The following ZNF639 variants were observed in gnomAD, a reference collection of about 807,000 sequenced individuals.
ZNF639 encodes zinc finger amplified in esophageal squamous cell carcinomas 1.
ZNF639 carries 20 observed loss-of-function variants against 39.8 expected under a neutral mutation model. The ratio of observed to expected loss-of-function variants is 0.50; its 90% CI spans 0.35 to 0.73. The LOEUF (loss-of-function observed/expected upper bound fraction) is 0.73. Among genes scored for constraint, ZNF639 ranks in the 30% least tolerant of loss-of-function variants. The pLI is 0.00. For missense variants in ZNF639, 477 were observed against 566.2 expected (o/e 0.84, Z 1.60); for synonymous variants, 176 against 189.8 (o/e 0.93, Z 0.60).
At chr3:179,322,912 G>T, upstream of ZNF639, 1 of 985,186 alleles carries the variant, frequency 1.0e-6, no homozygotes, top group Non-Finnish European at 1.2e-6. Flanking sequence ...GGGCCGCTGG[G>T]CCTCCCCCGG....
At chr3:179,326,726 A>G (rs1453891127) in intron 1 of ZNF639, among the ~76,000 whole-genome samples, 1 of 151,604 alleles carries the variant, frequency 6.6e-6, no homozygotes, top group African/African-American at 2.4e-5. Context: ...CCCAGGTTCA[A>G]GCCATTCTCC....
intron 3 of ZNF639, 43 bp downstream of exon 3, chr3:179,328,394 C>CA: frequency 7.5e-7 from 1 of 1,340,282 alleles, no homozygotes; most frequent in Non-Finnish European, 1.0e-6. Flanking sequence ...GATTAATTCC[C>CA]ACAAAATTAT....
At chr3:179,323,427 T>C (rs910508019) in intron 1 of ZNF639, 136 bp downstream of exon 1, 2 of 972,080 alleles carry the variant, frequency 2.1e-6, no homozygotes, top group Admixed American at 6.1e-5. Flanking sequence ...CTTCGTTATA[T>C]GGCGGGATGG....
chr3:179,333,105 C>A lies in ZNF639; in HGVS notation c.286C>A (p.His96Asn). ...VPSPVLRILD[H>N]TAFSTEKSAD... is the part of the protein sequence containing the mutation. ...CAGTCCTGTACTTAGAATTCTAGAC[C>A]ACACTGCCTTTTCTACAGGTTGGGG... Residue 96 changes from histidine to asparagine, a missense_variant, in exon 5 of 6, where the codon CAC becomes AAC. Coordinates refer to ENST00000496856, the MANE Select transcript of ZNF639 (RefSeq NM_001303426.2). The A allele has an allele frequency of 6.2e-7, 1 of 1,602,720 alleles. No individual in the cohort carries two copies. Among genetic ancestry groups the A allele is most frequent in the Non-Finnish European group, 8.5e-7 (1 of 1,174,932 alleles).
chr3:179,331,808 A>G (rs1727932222), intron 4 of ZNF639, among the ~76,000 whole-genome samples: 1 of 151,026 alleles, frequency 6.6e-6, no homozygotes, highest in South Asian at 2.1e-4. Flanking sequence ...ACAACTTTAT[A>G]GTGTTGAAAC....
In ZNF639 at chr3:179,332,971, C is replaced by T; in HGVS notation, c.170-18C>T. The T allele has an allele frequency of 6.5e-7, 1 of 1,531,686 alleles. No individual in the cohort carries two copies. The highest frequency in any genetic ancestry group is 8.8e-7 in the Non-Finnish European group (1 of 1,140,032). The allele number at this position is 1,531,686 out of a possible 1,614,324, so 94.9% of individuals were successfully genotyped here. A position where few individuals can be genotyped will look rare whatever the true frequency, so the allele number is the denominator to read the frequency against. On this transcript the variant is annotated intron_variant, in intron 4 of 5. Coordinates refer to ENST00000496856, the MANE Select transcript of ZNF639 (RefSeq NM_001303426.2). ...GATTGTATAAATAATAAGTATTCTT[C>T]CAAATCCCTTTTTACAGATGATGAT...
In ZNF639 at chr3:179,337,497, C is replaced by T. The variant is rs77243697; in HGVS notation, c.*3075C>T. 0.11 allele frequency: 16,752 copies of T among 150,780 alleles called. 1,169 individuals carry two copies. Among genetic ancestry groups the T allele is most frequent in the Non-Finnish European group, 0.16 (10,899 of 67,748 alleles). The allele number at this position is 150,780 out of a possible 1,614,324, so 9.3% of individuals were successfully genotyped here. ...GATTATAGGCGTGTGCCACCACACC[C>T]GGCTAATTTTTGTGTTTTTAATAGA... On this transcript the variant is annotated 3_prime_UTR_variant, in exon 6 of 6. Coordinates refer to ENST00000496856, the MANE Select transcript of ZNF639 (RefSeq NM_001303426.2).
intron 4 of ZNF639, 75 bp from the exon 5 acceptor site, chr3:179,332,914 A>G (rs1465404922): frequency 6.9e-7 from 1 of 1,443,284 alleles, no homozygotes; most frequent in Non-Finnish European, 9.1e-7. Flanking sequence ...TCATATTTAA[A>G]AATTGATGCT....
rs538360190 is a variant in ZNF639, at chr3:179,328,902, A to G, written c.58+551A>G. Among the ~76,000 whole-genome samples the G allele has an allele frequency of 3.3e-5, 5 of 151,840 alleles. No homozygotes were observed. In the South Asian group the frequency reaches 1.0e-3, roughly 32 times the overall value. On this transcript the variant is annotated intron_variant, in intron 3 of 5. Coordinates refer to ENST00000496856, the MANE Select transcript of ZNF639 (RefSeq NM_001303426.2). ...GTGATTCTCCTGCCTCAGCCTCCCA[A>G]GTAGCTGGGATTACAGGCGTGTACC... is the stretch of plus-strand genomic sequence containing the variant.
rs183072274 is a variant in ZNF639 at position 179,338,274 on chromosome 3, A to C, written c.*3852A>C. 2 of 152,356 alleles carry C rather than the reference A, an allele frequency of 1.3e-5. No individual in the cohort carries two copies. Among genetic ancestry groups the C allele is most frequent in the South Asian group, 4.1e-4 (2 of 4,830 alleles). The allele number at this position is 152,356 out of a possible 1,614,324, so 9.4% of individuals were successfully genotyped here. ...AGTAGAATTCTTCGCAGCAGTGAAC[A>C]GTAGTGACAGGTCATTATGTTTTTC... is the stretch of plus-strand genomic sequence containing the variant. On this transcript the variant is annotated 3_prime_UTR_variant, in exon 6 of 6. Transcript: ENST00000496856.
intron 2 of ZNF639, 67 bp from the exon 3 acceptor site, chr3:179,328,216 G>A: frequency 1.1e-6 from 1 of 912,888 alleles, no homozygotes; most frequent in South Asian, 1.6e-5. Flanking sequence ...TCTTCAGTTA[G>A]AATTTTTATA....
rs2108508505 is a variant in ZNF639, at chr3:179,334,410, T to C, written c.1446T>C (p.His482=). The change falls in exon 6 of 6, where the codon CAT becomes CAC. Residue 482 remains histidine, a synonymous_variant. Coordinates refer to ENST00000496856, the MANE Select transcript of ZNF639 (RefSeq NM_001303426.2). ...ERELISHLPV[H]ETT is the part of the protein sequence containing the mutation. ...AATTAATAAGTCACCTTCCAGTCCA[T>C]GAGACAACTTGATTATTCTCTTTAA... 2.0e-6 allele frequency: 3 copies of C among 1,536,564 alleles called. No individual in the cohort carries two copies. In the East Asian group the frequency reaches 6.8e-5, roughly 35 times the overall value.
intron 1 of ZNF639, among the ~76,000 whole-genome samples, chr3:179,325,938 A>C (rs911912445): frequency 6.6e-6 from 1 of 152,200 alleles, no homozygotes; most frequent in East Asian, 1.9e-4. Flanking sequence ...CTGCTGTATT[A>C]TATCACTTCA....
At position 179,328,289 on chromosome 3, in the gene ZNF639, A is replaced by C; in HGVS notation, c.-5A>C. ...ATTTTTTCTCGTTTTTTAGATTGAA[A>C]AGATATGAATGAGTATCCTAAAAAA... is the stretch of plus-strand genomic sequence containing the variant. On this transcript the variant is annotated 5_prime_UTR_variant, in exon 3 of 6. Transcript: ENST00000496856. 6.4e-7 allele frequency: 1 copy of C among 1,554,080 alleles called. No individual in the cohort carries two copies. The highest frequency in any genetic ancestry group is 8.8e-7 in the Non-Finnish European group (1 of 1,139,404).
Position 179,333,457 on chromosome 3 carries a change from G to C in ZNF639, c.493G>C (p.Asp165His). ...TENNSSESLQ[D>H]QTDEEPPAKL... Reference sequence around the variant, plus strand: ...AAACAATTCCTCTGAGAGTCTCCAAGACCAAACTGATGAAGAACCGCCAGC... The same window carrying C: ...AAACAATTCCTCTGAGAGTCTCCAACACCAAACTGATGAAGAACCGCCAGC... Residue 165 changes from aspartate (D) to histidine (H), a missense_variant, in exon 6 of 6, where the codon GAC becomes CAC. By Grantham distance (81) the Asp-to-His change is moderately conservative. Transcript: ENST00000496856. The C allele has an allele frequency of 2.5e-6, 4 of 1,614,080 alleles. No homozygotes were observed. The highest frequency in any genetic ancestry group is 3.4e-6 in the Non-Finnish European group (4 of 1,180,032).
At position 179,333,967 on chromosome 3, in the gene ZNF639, C is replaced by T. The variant is rs1728071947; in HGVS notation, c.1003C>T (p.His335Tyr). 1 of 1,614,090 alleles carries T rather than the reference C, an allele frequency of 6.2e-7. No homozygotes were observed. Among genetic ancestry groups the T allele is most frequent in the Non-Finnish European group, 8.5e-7 (1 of 1,180,014 alleles). The part of the protein sequence containing the change: ...ETNDPEDLHS[H>Y]VVNEHACKLI... The stretch of plus-strand genomic sequence containing the variant: ...TAATGATCCAGAAGACTTGCATAGC[C>T]ATGTGGTAAATGAGCATGCATGTAA... The change falls in exon 6 of 6, where the codon CAT becomes TAT. Residue 335 changes from histidine (H) to tyrosine (Y), a missense_variant. Coordinates refer to ENST00000496856, the MANE Select transcript of ZNF639 (RefSeq NM_001303426.2).
chr3:179,324,148 G>A (rs1011543138), intron 1 of ZNF639, among the ~76,000 whole-genome samples: 2 of 152,084 alleles, frequency 1.3e-5, no homozygotes, highest in Non-Finnish European at 2.9e-5. Context: ...TTTTAAACTC[G>A]TTAAAAATGG....
intron 4 of ZNF639, among the ~76,000 whole-genome samples, chr3:179,330,916 A>G (rs1266566908): frequency 6.6e-6 from 1 of 152,216 alleles, no homozygotes; most frequent in Admixed American, 6.5e-5. Context: ...GTGTATATAT[A>G]TGTGGTACTG....
In ZNF639 at chr3:179,331,653, T is replaced by C. The variant is rs577698261; in HGVS notation, c.170-1336T>C. Among the ~76,000 whole-genome samples the C allele has an allele frequency of 2.0e-5, 3 of 151,586 alleles. No individual in the cohort carries two copies. In the East Asian group the frequency reaches 5.8e-4, roughly 29 times the overall value. ...AGCTGGGCGTGGTGGTGCGTGCCTG[T>C]AATCCCAGCTACTCGGGAGGCTGAG... On this transcript the variant is annotated intron_variant, in intron 4 of 5. Transcript: ENST00000496856.
Sources: allele counts gnomAD v4.1 joint callset (sites outside exome capture counted in the v4.1 genomes callset), GRCh38; gene constraint gnomAD v4.1.1; transcripts MANE v1.5; gene names NCBI Gene and HGNC (gene_info 2026-07-23, HGNC 2026-07-21).